The following TBL1X variants were observed in gnomAD, a reference collection of about 807,000 sequenced individuals.
TBL1X encodes the protein F-box-like/WD repeat-containing protein TBL1X.
A neutral mutation model predicts 50.7 loss-of-function variants in TBL1X; 10 were observed. The observed-to-expected ratio is 0.20, with a 90% CI of 0.12 to 0.33. The LOEUF (loss-of-function observed/expected upper bound fraction) is 0.33. Ranked by LOEUF, TBL1X falls within the 10% of genes least tolerant of loss-of-function variation. The pLI is 1.00. For synonymous variants in TBL1X, 190 were observed against 214.7 expected (o/e 0.88, Z 1.01); for missense variants, 340 against 504.4 (o/e 0.67, Z 3.12).
At chrX:9,547,388 C>T (rs1215091191) in intron 2 of TBL1X, among the ~76,000 whole-genome samples, 2 of 110,663 alleles carry the variant, frequency 1.8e-5, no homozygotes, top group Non-Finnish European at 3.8e-5. Flanking sequence ...GGCGCGATCT[C>T]GACTCACTGC....
chrX:9,567,577 T>G (rs1486135621), intron 2 of TBL1X, among the ~76,000 whole-genome samples: 1 of 111,610 alleles, frequency 9.0e-6, no homozygotes, highest in Non-Finnish European at 1.9e-5. Context: ...GGTTGTCCAG[T>G]ATTTTGGTGC....
At chrX:9,464,047 T>C (rs1466836293), upstream of TBL1X, among the ~76,000 whole-genome samples, 1 of 111,729 alleles carries the variant, frequency 9.0e-6, no homozygotes, top group African/African-American at 3.3e-5. Context: ...AAGCTCATTA[T>C]ATAGTAAAGG....
At chrX:9,707,272 G>C (rs971515554) in intron 13 of TBL1X, among the ~76,000 whole-genome samples, 3 of 111,421 alleles carry the variant, frequency 2.7e-5, no homozygotes, top group African/African-American at 9.8e-5. Flanking sequence ...AAAGGAAGGC[G>C]CTTTTAGAGC....
At chrX:9,711,838 C>T (rs2083249322) in intron 16 of TBL1X, 62 bp downstream of exon 16, 7 of 1,117,599 alleles carry the variant, frequency 6.3e-6, no homozygotes, top group South Asian at 2.2e-5. Context: ...GCCACGACTC[C>T]AGTGCCCTTG....
intron 2 of TBL1X, among the ~76,000 whole-genome samples, chrX:9,525,287 G>A (rs2082126563): frequency 8.9e-6 from 1 of 111,838 alleles, no homozygotes; most frequent in African/African-American, 3.3e-5. Flanking sequence ...TTAGACTTGA[G>A]GTCAGAGTCA....
intron 2 of TBL1X, chrX:9,639,714 ACC>A (rs1306266216): frequency 9.0e-6 from 1 of 111,122 alleles, no homozygotes; most frequent in Non-Finnish European, 1.9e-5. Flanking sequence ...AAGGATTCTG[ACC>A]CGTTTGTGTG....
chrX:9,695,184 T>C (rs985489289), intron 11 of TBL1X, among the ~76,000 whole-genome samples: 4 of 110,697 alleles, frequency 3.6e-5, no homozygotes, highest in Non-Finnish European at 7.6e-5. Flanking sequence ...GTTGCTTTCA[T>C]GCTACAATGG....
At chrX:9,703,464 A>G (rs751842195) in intron 12 of TBL1X, among the ~76,000 whole-genome samples, 1 of 111,774 alleles carries the variant, frequency 8.9e-6, no homozygotes, top group Admixed American at 9.4e-5. Context: ...CGCAGTGGAA[A>G]GAGACCGGAG....
At chrX:9,577,484 C>T (rs754191387) in intron 2 of TBL1X, among the ~76,000 whole-genome samples, 33 of 111,461 alleles carry the variant, frequency 3.0e-4, no homozygotes, top group Non-Finnish European at 5.3e-4. Context: ...CTTCTCAAAG[C>T]GGGTGACTTT....
intron 2 of TBL1X, among the ~76,000 whole-genome samples, chrX:9,566,624 T>G (rs2082352795): frequency 8.9e-6 from 1 of 112,297 alleles, no homozygotes; most frequent in South Asian, 3.7e-4. Flanking sequence ...AAAACATATT[T>G]TAGATTTTTC....
At chrX:9,614,726 A>G (rs2146562339) in intron 2 of TBL1X, among the ~76,000 whole-genome samples, 1 of 111,689 alleles carries the variant, frequency 9.0e-6, no homozygotes, top group South Asian at 3.8e-4. Context: ...TCTCAAACAG[A>G]TGAAATAATT....
intron 2 of TBL1X, among the ~76,000 whole-genome samples, chrX:9,576,765 A>G (rs775273648): frequency 9.3e-6 from 1 of 107,546 alleles, no homozygotes; most frequent in East Asian, 2.9e-4. Flanking sequence ...TTGGGAGTCC[A>G]AGGTGGGAGG....
chrX:9,509,991 C>T (rs760718771), intron 2 of TBL1X, among the ~76,000 whole-genome samples: 5 of 111,603 alleles, frequency 4.5e-5, no homozygotes, highest in Non-Finnish European at 9.4e-5. Context: ...AGCTACACCT[C>T]ACTTCTGTGT....
rs777513160 is a variant in TBL1X at position 9,666,950 on chromosome X, A to G, written c.211+12628A>G. On this transcript the variant is annotated intron_variant, in intron 5 of 17. Transcript: ENST00000645353. ...TGGAAATACGGTTTTTGTTAAAGGG[A>G]AGGTAATGTTGTCTAGTTCAGGGGA... Among the ~76,000 whole-genome samples, 8 of 112,021 alleles carry G rather than the reference A, an allele frequency of 7.1e-5. No individual in the cohort carries two copies. The East Asian group carries it at 2.2e-3, about 31-fold the overall frequency.
chrX:9,655,995 T>C (rs189617529), intron 5 of TBL1X, among the ~76,000 whole-genome samples: 420 of 113,045 alleles, frequency 3.7e-3, no homozygotes, highest in African/African-American at 0.013. Context: ...GCTAGTGTTA[T>C]TCATGGAAAG....
chrX:9,602,016 C>T (rs1195453293), intron 2 of TBL1X, among the ~76,000 whole-genome samples: 1 of 112,052 alleles, frequency 8.9e-6, no homozygotes, highest in East Asian at 2.8e-4. Flanking sequence ...TGCACTCCAG[C>T]CTGGGCAACA....
intron 2 of TBL1X, among the ~76,000 whole-genome samples, chrX:9,570,956 C>T (rs977125495): frequency 1.8e-5 from 2 of 111,828 alleles, no homozygotes; most frequent in Non-Finnish European, 1.9e-5. Context: ...GGATTACAGG[C>T]GTGAGCCACC....
At chrX:9,633,943 A>ATACGTGCTGCCCAGGATACG (rs1294119943) in intron 2 of TBL1X, among the ~76,000 whole-genome samples, 4 of 111,369 alleles carry the variant, frequency 3.6e-5, no homozygotes, top group African/African-American at 1.3e-4. Context: ...GGTTCACAGG[A>ATACGTGCTGCCCAGGATACG]TACGTGCTGC....
At chrX:9,705,339 G>T (rs2083200122) in intron 13 of TBL1X, among the ~76,000 whole-genome samples, 1 of 111,991 alleles carries the variant, frequency 8.9e-6, no homozygotes, top group South Asian at 3.7e-4. Context: ...CTAGATGGTG[G>T]ATTTGGCAAC....
Sources: gnomAD v4.1 joint callset for allele counts (sites outside exome capture counted in the v4.1 genomes callset) on GRCh38, gnomAD v4.1.1 for gene constraint, MANE v1.5 for transcripts, NCBI Gene and HGNC (gene_info 2026-07-23, HGNC 2026-07-21) for gene names.